TMC1: variants seen among roughly 807,000 people sequenced by gnomAD.
TMC1 encodes transmembrane channel-like protein 1.
A neutral mutation model predicts 105.8 loss-of-function variants in TMC1; 84 were observed. The ratio of observed to expected loss-of-function variants is 0.79; its 90% confidence interval spans 0.67 to 0.95. TMC1 has a LOEUF of 0.95. Among genes scored for constraint, TMC1 ranks in the 40% least tolerant of loss-of-function variants. TMC1 has a pLI of 0.00. For synonymous variants in TMC1, 315 were observed against 311.5 expected, an observed-to-expected ratio of 1.01 and a Z score of -0.12; for missense variants, 817 against 914.1, an observed-to-expected ratio of 0.89 and a Z score of 1.37.
intron 8 of TMC1, among the ~76,000 whole-genome samples, chr9:72,717,293 G>A (rs1049967521): frequency 1.3e-5 from 2 of 152,178 alleles, no homozygotes; most frequent in African/African-American, 2.4e-5. Flanking sequence ...TGCATTCAAT[G>A]TTAGTATTGA....
rs115253248 is a variant in TMC1, at chr9:72,801,358, C to T, written c.1567-4024C>T. 2.6e-3 allele frequency among the ~76,000 whole-genome samples: 394 copies of T among 152,204 alleles called. 2 individuals are homozygous for T. The highest frequency in any genetic ancestry group is 8.7e-3 in the African/African-American group (362 of 41,532). Reference sequence around the variant, plus strand: ...AATTTTTACGTTTCATTCTGAGATACGTTATATTATTATTTCCGTTTTATA... The same window carrying T: ...AATTTTTACGTTTCATTCTGAGATATGTTATATTATTATTTCCGTTTTATA... On this transcript the variant is annotated intron_variant, in intron 17 of 23. Coordinates refer to ENST00000297784, the MANE Select transcript of TMC1 (RefSeq NM_138691.3).
chr9:72,608,488 C>T (rs1035334616), intron 2 of TMC1, among the ~76,000 whole-genome samples: 5 of 152,168 alleles, frequency 3.3e-5, no homozygotes, highest in African/African-American at 1.2e-4. Context: ...GGACAGCTCA[C>T]TTGAGGACAG....
intron 7 of TMC1, among the ~76,000 whole-genome samples, chr9:72,695,460 C>T (rs1198848507): frequency 1.3e-5 from 2 of 152,108 alleles, no homozygotes; most frequent in Admixed American, 1.3e-4. Context: ...TAAAACACCT[C>T]TAATTAAAGA....
chr9:72,614,404 A>C (rs1825086644), intron 2 of TMC1, among the ~76,000 whole-genome samples: 1 of 152,192 alleles, frequency 6.6e-6, no homozygotes, highest in African/African-American at 2.4e-5. Flanking sequence ...TTAGTGTGTT[A>C]AATGGATTTA....
chr9:72,826,875 A>G lies in TMC1; in HGVS notation c.2010A>G (p.Lys670=), dbSNP rs1017212176. Residue 670 remains lysine, a synonymous_variant, in exon 21 of 24, where the codon AAA becomes AAG. Coordinates refer to ENST00000297784, the MANE Select transcript of TMC1 (RefSeq NM_138691.3). ...CCCTTTTTAATTCCCCCAGTGGCAA[A>G]AATAGAATGTTTGAAGTCATTGGAG... The part of the protein sequence containing the change: ...PSFDCGPFSG[K]NRMFEVIGET... 8 of 1,613,912 alleles carry G rather than the reference A, an allele frequency of 5.0e-6. No homozygotes were observed. In the African/African-American group the frequency reaches 9.3e-5, roughly 19 times the overall value.
At chr9:72,742,656 A>G in intron 10 of TMC1, 131 bp downstream of exon 10, 1 of 811,638 alleles carries the variant, frequency 1.2e-6, no homozygotes, top group Non-Finnish European at 2.1e-6. Context: ...ACAAAAACCA[A>G]ATCAACAAAA....
chr9:72,702,040 G>T (rs543560212), intron 8 of TMC1, among the ~76,000 whole-genome samples: 1 of 152,208 alleles, frequency 6.6e-6, no homozygotes, highest in South Asian at 2.1e-4. Context: ...TTAGCGAAGT[G>T]ATAATGATGC....
intron 20 of TMC1, among the ~76,000 whole-genome samples, chr9:72,822,759 GC>G (rs1828896986): frequency 6.6e-6 from 1 of 152,152 alleles, no homozygotes; most frequent in Non-Finnish European, 1.5e-5. Flanking sequence ...GTTTAGGTGT[GC>G]ATTAAGCTAT....
chr9:72,597,717 G>C (rs970866762), intron 2 of TMC1, among the ~76,000 whole-genome samples: 1 of 152,202 alleles, frequency 6.6e-6, no homozygotes, highest in African/African-American at 2.4e-5. Flanking sequence ...TGGCTCCCCA[G>C]TGGAGAATAA....
Position 72,549,596 on chromosome 9 carries a change from C to T in TMC1, c.-428+27683C>T, listed in dbSNP as rs75371860. Among the ~76,000 whole-genome samples, 332 of 148,274 alleles carry T rather than the reference C, an allele frequency of 2.2e-3. 2 individuals are homozygous for T. The highest frequency in any genetic ancestry group is 8.1e-3 in the African/African-American group (320 of 39,648). ...TAGCTAGGATTACAGGCACGTACCACCACATCTGGCTATTTTTTTTTTTTT... is the reference window on the plus strand; with the variant it reads ...TAGCTAGGATTACAGGCACGTACCATCACATCTGGCTATTTTTTTTTTTTT... On this transcript the variant is annotated intron_variant, in intron 1 of 23. Transcript: ENST00000297784.
At chr9:72,790,607 A>G (rs1828251101) in intron 15 of TMC1, among the ~76,000 whole-genome samples, 1 of 152,150 alleles carries the variant, frequency 6.6e-6, no homozygotes, top group African/African-American at 2.4e-5. Flanking sequence ...AAGGATGGGT[A>G]GTTGATTATC....
At chr9:72,832,575 G>A (rs527524108) in intron 23 of TMC1, among the ~76,000 whole-genome samples, 4 of 152,306 alleles carry the variant, frequency 2.6e-5, no homozygotes, top group Non-Finnish European at 2.9e-5. Flanking sequence ...CATGTGAAAT[G>A]CACTGGGGAG....
intron 1 of TMC1, among the ~76,000 whole-genome samples, chr9:72,525,886 G>A (rs1256965665): frequency 1.3e-5 from 2 of 152,098 alleles, no homozygotes; most frequent in Admixed American, 1.3e-4. Context: ...TACTTGGGAG[G>A]CTGAGGCATG....
chr9:72,641,910 C>CG (rs961742933), intron 4 of TMC1, among the ~76,000 whole-genome samples: 6 of 150,542 alleles, frequency 4.0e-5, no homozygotes, highest in African/African-American at 1.2e-4. Context: ...CTCCACCTCC[C>CG]GGGTTCAAGT....
At chr9:72,669,079 G>A (rs890160385) in intron 5 of TMC1, among the ~76,000 whole-genome samples, 2 of 152,132 alleles carry the variant, frequency 1.3e-5, no homozygotes, top group Admixed American at 1.3e-4. Context: ...CTGAGGTGGG[G>A]CAGATCACCT....
chr9:72,599,593 G>A (rs1243018950), intron 2 of TMC1, among the ~76,000 whole-genome samples: 1 of 151,198 alleles, frequency 6.6e-6, no homozygotes, highest in Non-Finnish European at 1.5e-5. Context: ...TTTGTTTTTG[G>A]TGAGACAGAG....
intron 8 of TMC1, among the ~76,000 whole-genome samples, chr9:72,733,134 A>G (rs1017859252): frequency 5.3e-5 from 8 of 151,726 alleles, no homozygotes; most frequent in African/African-American, 1.7e-4. Context: ...TACAGAGAAC[A>G]TGTGCAGAGT....
intron 19 of TMC1, among the ~76,000 whole-genome samples, chr9:72,817,808 G>A (rs1022241054): frequency 1.3e-5 from 2 of 152,018 alleles, no homozygotes; most frequent in African/African-American, 4.8e-5. Flanking sequence ...CAGTTCTCTC[G>A]TGGGCAGATC....
chr9:72,704,407 T>C (rs1020729987), intron 8 of TMC1, among the ~76,000 whole-genome samples: 13 of 152,192 alleles, frequency 8.5e-5, no homozygotes, highest in Admixed American at 5.2e-4. Context: ...TGGCAACTTA[T>C]GGTTCTGAGG....
Sources: allele counts gnomAD v4.1 joint callset (sites outside exome capture counted in the v4.1 genomes callset), GRCh38; gene constraint gnomAD v4.1.1; transcripts MANE v1.5; gene names NCBI Gene and HGNC (gene_info 2026-07-23, HGNC 2026-07-21).